Variants in ANKDD1A observed in about 807,000 individuals in gnomAD.
ANKDD1A encodes the protein ankyrin repeat and death domain-containing protein 1A.
In ANKDD1A, 59 loss-of-function variants were observed where a neutral mutation model predicts 63.5. The observed-to-expected ratio is 0.93, with a 90% CI of 0.75 to 1.15. ANKDD1A has a LOEUF of 1.15. ANKDD1A is among the 50% of genes most tolerant of loss of function. The probability of loss-of-function intolerance (pLI) is 0.00; values close to 1 mark genes in which losing one functional copy is unlikely to be tolerated. For missense variants in ANKDD1A, 632 were observed against 656.4 expected (o/e 0.96, Z 0.41); for synonymous variants, 266 against 263.9 (o/e 1.01, Z -0.08).
intron 14 of ANKDD1A, among the ~76,000 whole-genome samples, chr15:64,955,154 C>T (rs969208756): frequency 2.6e-5 from 4 of 151,570 alleles, no homozygotes; most frequent in Admixed American, 6.6e-5. Context: ...CCCAGGTTCA[C>T]GCCATTCTCC....
intron 9 of ANKDD1A, among the ~76,000 whole-genome samples, chr15:64,940,417 T>A (rs1354551751): frequency 8.0e-6 from 1 of 125,496 alleles, no homozygotes; most frequent in African/African-American, 2.7e-5. Context: ...GATAGATAGA[T>A]AGATAGATAG....
chr15:64,937,589 G>C (rs914141538), intron 9 of ANKDD1A, among the ~76,000 whole-genome samples: 1 of 152,050 alleles, frequency 6.6e-6, no homozygotes, highest in Non-Finnish European at 1.5e-5. Context: ...TTAGCCAGGT[G>C]TGGTGGCACA....
intron 14 of ANKDD1A, among the ~76,000 whole-genome samples, chr15:64,956,368 T>C (rs1354634478): frequency 6.6e-6 from 1 of 151,684 alleles, no homozygotes; most frequent in African/African-American, 2.4e-5. Context: ...GCTAACACAG[T>C]GAAACCCTGT....
At chr15:64,922,281 G>T in intron 4 of ANKDD1A, 1 of 458,270 alleles carries the variant, frequency 2.2e-6, no homozygotes, top group East Asian at 4.0e-5. Flanking sequence ...AATTAAATGA[G>T]AAGGAGGTGA....
chr15:64,953,726 CTTCTCCTCCTT>C (rs2085357502), intron 14 of ANKDD1A, among the ~76,000 whole-genome samples: 908 of 28,906 alleles, frequency 0.031, 4 homozygotes, highest in Middle Eastern at 0.1. Flanking sequence ...TCTTCTCCTT[CTTCTCCTCCTT>C]CTTCTTTCCT....
rs1431390311 is a variant in ANKDD1A at position 64,957,205 on chromosome 15, A to G, written c.*17A>G. On this transcript the variant is annotated 3_prime_UTR_variant, in exon 15 of 15. Coordinates refer to ENST00000319580, the MANE Select transcript of ANKDD1A (RefSeq NM_182703.6). ...CCCGAGTAGCTGGGATTACAGGTGC[A>G]TGCCATCACAGCTGGCTAATTTTTG... 3 of 354,916 alleles carry G rather than the reference A, an allele frequency of 8.5e-6. No individual in the cohort carries two copies. The highest frequency in any genetic ancestry group is 6.0e-5 in the South Asian group (3 of 49,884). The allele number at this position is 354,916 out of a possible 1,614,324, so 22.0% of individuals were successfully genotyped here.
chr15:64,938,048 G>A (rs1235198194), intron 9 of ANKDD1A, among the ~76,000 whole-genome samples: 1 of 152,108 alleles, frequency 6.6e-6, no homozygotes, highest in East Asian at 1.9e-4. Flanking sequence ...AACTACTTAA[G>A]CAATAAAATA....
At chr15:64,923,234 G>A (rs1031486729) in intron 4 of ANKDD1A, among the ~76,000 whole-genome samples, 1 of 152,122 alleles carries the variant, frequency 6.6e-6, no homozygotes, top group Non-Finnish European at 1.5e-5. Flanking sequence ...GGAGTGATGT[G>A]AGCCACTAGC....
At chr15:64,953,926 C>CT (rs1566918117) in intron 14 of ANKDD1A, among the ~76,000 whole-genome samples, 2 of 9,646 alleles carry the variant, frequency 2.1e-4, no homozygotes, top group Non-Finnish European at 3.9e-4. Context: ...TTCTCTTTTT[C>CT]TTTTTTCTTT....
At chr15:64,913,312 A>G (rs954719112) in intron 1 of ANKDD1A, among the ~76,000 whole-genome samples, 2 of 152,184 alleles carry the variant, frequency 1.3e-5, no homozygotes, top group African/African-American at 4.8e-5. Context: ...CAGGGAAGGT[A>G]CTAGAACCCA....
At chr15:64,944,874 A>T (rs2140380631) in intron 12 of ANKDD1A, 127 bp downstream of exon 12, 1 of 825,862 alleles carries the variant, frequency 1.2e-6, no homozygotes, top group East Asian at 2.7e-5. Context: ...GGTGATAATC[A>T]CCACCTTGTA....
rs1366475054 is a variant in ANKDD1A, at chr15:64,953,439, CCT to C, written c.1483+3468_1483+3469del. On this transcript the variant is annotated intron_variant, in intron 14 of 14. Coordinates refer to ENST00000319580, the MANE Select transcript of ANKDD1A (RefSeq NM_182703.6). ...TCCTCCCTTCTTCTTCCTCCTCCTT[CCT>C]TTTCTTCTTTCTTCTCTCCTTCTTC... Among the ~76,000 whole-genome samples, 50 of 136,824 alleles carry C rather than the reference CCT, an allele frequency of 3.7e-4. 1 individual carries two copies. Among genetic ancestry groups the C allele is most frequent in the Non-Finnish European group, 6.9e-4 (44 of 63,338 alleles). The allele number at this position is 136,824 out of a possible 152,430, so 89.8% of individuals were successfully genotyped here. A position where few individuals can be genotyped will look rare whatever the true frequency, so the allele number is the denominator to read the frequency against.
chr15:64,939,095 C>T (rs2085159727), intron 9 of ANKDD1A, among the ~76,000 whole-genome samples: 1 of 152,004 alleles, frequency 6.6e-6, no homozygotes, highest in Non-Finnish European at 1.5e-5. Flanking sequence ...TATGTGGGAA[C>T]TCTGTTATCT....
intron 14 of ANKDD1A, among the ~76,000 whole-genome samples, chr15:64,954,208 T>A (rs1426462284): frequency 2.6e-4 from 1 of 3,888 alleles, no homozygotes; most frequent in Non-Finnish European, 5.7e-4. Flanking sequence ...TTCCTTATTC[T>A]TTTCTTCTTC....
At chr15:64,913,575 G>A (rs1255429632) in intron 1 of ANKDD1A, among the ~76,000 whole-genome samples, 1 of 152,174 alleles carries the variant, frequency 6.6e-6, no homozygotes, top group Non-Finnish European at 1.5e-5. Context: ...AGCCAGAGTT[G>A]AACCCAGGAC....
At position 64,945,013 on chromosome 15, in the gene ANKDD1A, G is replaced by A. The variant is rs2085212076; in HGVS notation, c.1161+266G>A. The stretch of plus-strand genomic sequence containing the variant: ...CTGCTGTAGCTTCCAGCTGATGAAT[G>A]CATGCGTGCATGAATGCATACAGAC... On this transcript the variant is annotated intron_variant, in intron 12 of 14. Coordinates refer to ENST00000319580, the MANE Select transcript of ANKDD1A (RefSeq NM_182703.6). Among the ~76,000 whole-genome samples, 3 of 152,226 alleles carry A rather than the reference G, an allele frequency of 2.0e-5. No homozygotes were observed. In the South Asian group the frequency reaches 6.2e-4, roughly 31 times the overall value.
intron 9 of ANKDD1A, among the ~76,000 whole-genome samples, chr15:64,934,666 AT>A (rs557531003): frequency 0.49 from 58,690 of 119,686 alleles, 12,544 homozygotes; most frequent in South Asian, 0.68. Context: ...TGCCCAGCTA[AT>A]TTTTTTTTTT....
chr15:64,933,113 G>C (rs1303057386), intron 8 of ANKDD1A, among the ~76,000 whole-genome samples: 4 of 151,998 alleles, frequency 2.6e-5, no homozygotes, highest in African/African-American at 9.7e-5. Context: ...AGAATGTCAT[G>C]CCACAGGGTC....
chr15:64,944,702 G>C lies in ANKDD1A; in HGVS notation c.1116G>C (p.Leu372=), dbSNP rs368566881. Residue 372 remains leucine, a synonymous_variant, in exon 12 of 15, where the codon CTG becomes CTC. Transcript: ENST00000319580. The stretch of plus-strand genomic sequence containing the variant: ...CCGTCCGCAGCAACCATGTCAGCCT[G>C]GTGGACATGATCATAAAAGCTGATC... ...AVAVRSNHVS[L]VDMIIKADRF... 71 of 1,614,012 alleles carry C rather than the reference G, an allele frequency of 4.4e-5. No homozygotes were observed. The highest frequency in any genetic ancestry group is 5.8e-5 in the Non-Finnish European group (68 of 1,180,006).
Sources: allele counts gnomAD v4.1 joint callset (sites outside exome capture counted in the v4.1 genomes callset), GRCh38; gene constraint gnomAD v4.1.1; transcripts MANE v1.5; gene names NCBI Gene and HGNC (gene_info 2026-07-23, HGNC 2026-07-21).